The following RPS6KC1 variants were observed in gnomAD, a reference collection of about 807,000 sequenced individuals.
RPS6KC1 encodes the protein ribosomal protein S6 kinase C1.
A neutral mutation model predicts 103.8 loss-of-function variants in RPS6KC1; 54 were observed. The ratio of observed to expected loss-of-function variants is 0.52; its 90% CI spans 0.42 to 0.65. The LOEUF (loss-of-function observed/expected upper bound fraction) is 0.65, where lower values mean the gene tolerates loss of function less well. Ranked by LOEUF, RPS6KC1 falls within the 30% of genes least tolerant of loss-of-function variation. The pLI, the probability that RPS6KC1 is intolerant of heterozygous loss-of-function variation, is 0.00. For synonymous variants in RPS6KC1, 439 were observed against 438.7 expected (o/e 1.00, Z -0.01); for missense variants, 1,151 against 1,253.8 (o/e 0.92, Z 1.24).
intron 12 of RPS6KC1, among the ~76,000 whole-genome samples, chr1:213,248,190 G>T (rs1254541006): frequency 6.6e-6 from 1 of 152,010 alleles, no homozygotes; most frequent in Non-Finnish European, 1.5e-5. Context: ...ACATAACCAG[G>T]AGATACTACT....
At chr1:213,743,912 A>G in the RPS6KC1 span, among the ~76,000 whole-genome samples, 1 of 152,212 alleles carries the variant, frequency 6.6e-6, no homozygotes, top group Non-Finnish European at 1.5e-5. Context: ...TCTAAAGAAA[A>G]TGTGGTATGT....
intron 8 of RPS6KC1, among the ~76,000 whole-genome samples, chr1:213,193,020 G>A (rs1030460516): frequency 6.7e-6 from 1 of 150,208 alleles, no homozygotes; most frequent in African/African-American, 2.4e-5. Context: ...TCTTGTTACT[G>A]ATTTCTAGTT....
the RPS6KC1 span, among the ~76,000 whole-genome samples, chr1:213,765,499 G>T: frequency 6.6e-6 from 1 of 152,146 alleles, no homozygotes; most frequent in African/African-American, 2.4e-5. Context: ...TAATGAGTCT[G>T]CCCAGGGCCA....
chr1:213,788,987 G>A, the RPS6KC1 span, among the ~76,000 whole-genome samples: 2 of 152,154 alleles, frequency 1.3e-5, no homozygotes, highest in Non-Finnish European at 2.9e-5. Context: ...AAAGTAGCAG[G>A]GGTGGACAGC....
At chr1:213,578,412 C>A in the RPS6KC1 span, among the ~76,000 whole-genome samples, 1 of 152,316 alleles carries the variant, frequency 6.6e-6, no homozygotes, top group East Asian at 1.9e-4. Context: ...AGAAGAGGGC[C>A]ACCGTCCTCC....
At chr1:213,710,302 T>C in the RPS6KC1 span, among the ~76,000 whole-genome samples, 2 of 152,334 alleles carry the variant, frequency 1.3e-5, no homozygotes, top group African/African-American at 4.8e-5. Flanking sequence ...TCTTCGTTGG[T>C]TTAAAGTCTG....
the RPS6KC1 span, among the ~76,000 whole-genome samples, chr1:213,370,282 ATTTTT>A: frequency 1.3e-5 from 2 of 149,158 alleles, no homozygotes; most frequent in African/African-American, 5.0e-5. Flanking sequence ...ATTTTATTTT[ATTTTT>A]TTTGCATGTA....
chr1:213,507,469 T>TG, the RPS6KC1 span, among the ~76,000 whole-genome samples: 1 of 151,798 alleles, frequency 6.6e-6, no homozygotes, highest in South Asian at 2.1e-4. Context: ...AAAGGACAGA[T>TG]GCAAAGAAAG....
At chr1:213,492,781 T>C in the RPS6KC1 span, among the ~76,000 whole-genome samples, 1 of 152,230 alleles carries the variant, frequency 6.6e-6, no homozygotes, top group Non-Finnish European at 1.5e-5. Flanking sequence ...CCCATGTTAT[T>C]TTAAAGCTTG....
At chr1:213,430,494 T>C in the RPS6KC1 span, among the ~76,000 whole-genome samples, 34 of 152,322 alleles carry the variant, frequency 2.2e-4, 1 homozygote, top group African/African-American at 7.0e-4. Flanking sequence ...AGGAATTATT[T>C]TGTGTTTATC....
At chr1:213,386,705 C>T in the RPS6KC1 span, among the ~76,000 whole-genome samples, 1 of 152,298 alleles carries the variant, frequency 6.6e-6, no homozygotes, top group East Asian at 1.9e-4. Flanking sequence ...AAAGTCAACT[C>T]CCTTACGTCT....
intron 8 of RPS6KC1, among the ~76,000 whole-genome samples, chr1:213,226,853 T>C (rs1007589093): frequency 3.3e-5 from 5 of 152,226 alleles, no homozygotes; most frequent in Admixed American, 6.5e-5. Context: ...CATTACACTT[T>C]TGGTTATTGT....
intron 8 of RPS6KC1, among the ~76,000 whole-genome samples, chr1:213,180,775 G>A (rs1227593095): frequency 6.6e-6 from 1 of 151,932 alleles, no homozygotes; most frequent in African/African-American, 2.4e-5. Context: ...ACGAATATAC[G>A]GGATGTGCTT....
the RPS6KC1 span, among the ~76,000 whole-genome samples, chr1:213,597,881 T>C: frequency 6.6e-6 from 1 of 152,152 alleles, no homozygotes. Flanking sequence ...CAGGCAAATG[T>C]GGTACCCAGG....
chr1:213,219,511 A>G (rs2093766179), intron 8 of RPS6KC1, among the ~76,000 whole-genome samples: 1 of 152,224 alleles, frequency 6.6e-6, no homozygotes, highest in Non-Finnish European at 1.5e-5. Context: ...ATTACCGGGT[A>G]TATACCCAAA....
At chr1:213,497,065 T>G in the RPS6KC1 span, among the ~76,000 whole-genome samples, 1 of 152,328 alleles carries the variant, frequency 6.6e-6, no homozygotes, top group East Asian at 1.9e-4. Flanking sequence ...TGTATTGAAA[T>G]CTATCAAGTT....
intron 6 of RPS6KC1, 136 bp from the exon 7 acceptor site, chr1:213,167,722 A>G (rs1317637211): frequency 2.0e-6 from 1 of 489,104 alleles, no homozygotes; most frequent in Non-Finnish European, 3.6e-6. Flanking sequence ...AATAACTTTC[A>G]TGTCTTTTCC....
chr1:213,764,946 T>C, the RPS6KC1 span, among the ~76,000 whole-genome samples: 9 of 152,136 alleles, frequency 5.9e-5, no homozygotes, highest in African/African-American at 1.9e-4. Flanking sequence ...AATCTCCCTA[T>C]AGGGGGCAGG....
intron 8 of RPS6KC1, among the ~76,000 whole-genome samples, chr1:213,218,576 C>T (rs1269556708): frequency 1.3e-5 from 2 of 152,026 alleles, no homozygotes; most frequent in African/African-American, 4.8e-5. Context: ...AATCCTAAGC[C>T]AAAAGAACAA....
Sources: gnomAD v4.1 joint callset for allele counts (sites outside exome capture counted in the v4.1 genomes callset) on GRCh38, gnomAD v4.1.1 for gene constraint, MANE v1.5 for transcripts, NCBI Gene and HGNC (gene_info 2026-07-23, HGNC 2026-07-21) for gene names.